MAP1LC3A: variants seen among roughly 807,000 people sequenced by gnomAD.
MAP1LC3A encodes microtubule-associated protein 1 light chain 3 alpha.
Under a neutral mutation model 15.2 loss-of-function variants are expected in MAP1LC3A, and 10 were observed. The ratio of observed to expected loss-of-function variants is 0.66; its 90% CI spans 0.41 to 1.12. The LOEUF (loss-of-function observed/expected upper bound fraction) is 1.12, where lower values mean the gene tolerates loss of function less well. MAP1LC3A is among the 50% of genes most tolerant of loss of function. The probability of loss-of-function intolerance (pLI) is 0.00; values close to 1 mark genes in which losing one functional copy is unlikely to be tolerated. For synonymous variants in MAP1LC3A, 63 were observed against 64.3 expected (o/e 0.98, Z 0.10); for missense variants, 138 against 167.3 (o/e 0.82, Z 0.97).
At chr20:34,559,696 C>A in intron 3 of MAP1LC3A, 40 bp from the exon 4 acceptor site, 1 of 1,573,074 alleles carries the variant, frequency 6.4e-7, no homozygotes, top group South Asian at 1.2e-5. Context: ...CGTCCCGCAG[C>A]CAAGCCCCTC....
intron 3 of MAP1LC3A, 125 bp downstream of exon 3, chr20:34,559,578 C>T: frequency 8.1e-7 from 1 of 1,231,710 alleles, no homozygotes; most frequent in Middle Eastern, 2.8e-4. Context: ...TCTGGGGTGG[C>T]TGGAAAGGTC....
chr20:34,549,924 TG>T, exon 2 of MAP1LC3A: 1 of 1,548,052 alleles, frequency 6.5e-7, no homozygotes. Context: ...GCTTCCGAGT[TG>T]CTGACTGACC....
chr20:34,558,845 T>C lies in MAP1LC3A; in HGVS notation c.-24T>C. On this transcript the variant is annotated 5_prime_UTR_variant, in exon 1 of 4. Coordinates refer to ENST00000360668, the MANE Select transcript of MAP1LC3A (RefSeq NM_032514.4). The surrounding 1 kb of genome is among the most constrained non-coding windows in gnomAD (Gnocchi z 4.3). ...ATCCCCGCGCCCCAGAGCCCCGGCC[T>C]GCGCGCCCAGCCGGGCCCGCGCGAT... 1 of 1,433,478 alleles carries C rather than the reference T, an allele frequency of 7.0e-7. No individual in the cohort carries two copies. The highest frequency in any genetic ancestry group is 9.1e-7 in the Non-Finnish European group (1 of 1,100,132). The allele number at this position is 1,433,478 out of a possible 1,614,324, so 88.8% of individuals were successfully genotyped here.
chr20:34,548,147 C>T (rs547524551), intron 1 of MAP1LC3A, among the ~76,000 whole-genome samples: 5 of 151,864 alleles, frequency 3.3e-5, no homozygotes, highest in Non-Finnish European at 7.4e-5. Flanking sequence ...AGGGAGGGGG[C>T]GATTAGCTAG....
At chr20:34,553,953 C>A (rs1320011347), upstream of MAP1LC3A, among the ~76,000 whole-genome samples, 1 of 152,180 alleles carries the variant, frequency 6.6e-6, no homozygotes, top group African/African-American at 2.4e-5. Flanking sequence ...CCTTGTTTCC[C>A]TGGGCTCCTG....
chr20:34,556,830 G>A (rs1457598460), upstream of MAP1LC3A, among the ~76,000 whole-genome samples: 7 of 152,248 alleles, frequency 4.6e-5, no homozygotes, highest in Admixed American at 2.6e-4. Flanking sequence ...TGAATTCCCA[G>A]CCTCTAGTGA....
At chr20:34,551,338 G>A (rs575957907) in intron 2 of MAP1LC3A, among the ~76,000 whole-genome samples, 1 of 151,984 alleles carries the variant, frequency 6.6e-6, no homozygotes, top group Non-Finnish European at 1.5e-5. Context: ...AATACATGCC[G>A]TATGATTCCA....
intron 2 of MAP1LC3A, among the ~76,000 whole-genome samples, chr20:34,551,809 C>T (rs944551565): frequency 6.6e-6 from 1 of 151,838 alleles, no homozygotes; most frequent in Non-Finnish European, 1.5e-5. Flanking sequence ...AGTGAGTGTA[C>T]TTCTCAGACT....
chr20:34,550,145 C>A, intron 2 of MAP1LC3A: 1 of 963,310 alleles, frequency 1.0e-6, no homozygotes, highest in Non-Finnish European at 1.6e-6. Flanking sequence ...GCCAGGCCGG[C>A]CAAGGCCAGT....
At chr20:34,553,200 ATAAAT>A (rs775173924) in intron 2 of MAP1LC3A, among the ~76,000 whole-genome samples, 9 of 152,258 alleles carry the variant, frequency 5.9e-5, no homozygotes, top group Admixed American at 2.0e-4. Context: ...AAAATGAAAA[ATAAAT>A]AAATGAAAAA....
chr20:34,552,125 G>C (rs1379502677), intron 2 of MAP1LC3A, among the ~76,000 whole-genome samples: 1 of 152,056 alleles, frequency 6.6e-6, no homozygotes, highest in African/African-American at 2.4e-5. Context: ...AGCCTCCCCA[G>C]TGGCTGGGAT....
chr20:34,556,634 T>TTG (rs1982169928), upstream of MAP1LC3A, among the ~76,000 whole-genome samples: 2 of 152,046 alleles, frequency 1.3e-5, no homozygotes, highest in South Asian at 4.1e-4. Flanking sequence ...TCTCACTCTG[T>TTG]TGCCCAGGCT....
chr20:34,550,104 G>A, intron 2 of MAP1LC3A: 1 of 1,448,178 alleles, frequency 6.9e-7, no homozygotes, highest in Non-Finnish European at 9.7e-7. Flanking sequence ...GTCATCAGTG[G>A]CCAAGCAGGC....
chr20:34,557,709 G>A (rs1201549379), upstream of MAP1LC3A, among the ~76,000 whole-genome samples: 1 of 152,204 alleles, frequency 6.6e-6, no homozygotes, highest in South Asian at 2.1e-4. Flanking sequence ...AGTGGATCAC[G>A]AGGTCAGGAG....
chr20:34,552,970 C>A (rs1306960616), intron 2 of MAP1LC3A, among the ~76,000 whole-genome samples: 1 of 152,138 alleles, frequency 6.6e-6, no homozygotes, highest in African/African-American at 2.4e-5. Context: ...AGGTGGATCG[C>A]CTGAGGCCAG....
intron 1 of MAP1LC3A, among the ~76,000 whole-genome samples, chr20:34,547,417 CTTT>C (rs935450076): frequency 3.3e-5 from 4 of 121,082 alleles, no homozygotes; most frequent in Non-Finnish European, 5.2e-5. Flanking sequence ...CGCTCCCCAC[CTTT>C]TTTTTTTTTT....
Position 34,560,075 on chromosome 20 carries a change from C to T in MAP1LC3A, c.*177C>T, listed in dbSNP as rs1331512780. On this transcript the variant is annotated 3_prime_UTR_variant, in exon 4 of 4. Coordinates refer to ENST00000360668, the MANE Select transcript of MAP1LC3A (RefSeq NM_032514.4). ...GCCCCTGGGTGGATCCTGGGCCGGTCGTGTTAGGGTTGTCCCTCTGGGTGC... is the reference window on the plus strand; with the variant it reads ...GCCCCTGGGTGGATCCTGGGCCGGTTGTGTTAGGGTTGTCCCTCTGGGTGC... 8.0e-6 allele frequency: 3 copies of T among 372,678 alleles called. No homozygotes were observed. Among genetic ancestry groups the T allele is most frequent in the Non-Finnish European group, 1.5e-5 (3 of 205,282 alleles). 23.1% of individuals were successfully genotyped at this position (372,678 alleles called of 1,614,324 possible).
At chr20:34,556,780 T>C (rs1982176090), upstream of MAP1LC3A, among the ~76,000 whole-genome samples, 1 of 152,208 alleles carries the variant, frequency 6.6e-6, no homozygotes. Context: ...TTTGTATTTT[T>C]AGTAGAGACA....
chr20:34,558,250 C>G (rs1036312949), upstream of MAP1LC3A: 3 of 984,004 alleles, frequency 3.0e-6, no homozygotes, highest in African/African-American at 5.2e-5. This position sits in a 1 kb window ranked among gnomAD's most constrained non-coding sequence, Gnocchi z 4.3. Context: ...TTATATTATT[C>G]TTTTTCAAAC....
Sources: allele counts gnomAD v4.1 joint callset (sites outside exome capture counted in the v4.1 genomes callset), GRCh38; gene constraint gnomAD v4.1.1; non-coding constraint Gnocchi (gnomAD v3.1); transcripts MANE v1.5; gene names NCBI Gene and HGNC (gene_info 2026-07-23, HGNC 2026-07-21).